ZNF445: variants seen among roughly 807,000 people sequenced by gnomAD.
ZNF445 encodes the protein zinc finger protein 168.
A neutral mutation model predicts 93.9 loss-of-function variants in ZNF445; 19 were observed. That is an observed-to-expected ratio of 0.20 (90% CI 0.14 to 0.30). ZNF445 has a LOEUF of 0.30. Among genes scored for constraint, ZNF445 ranks in the 10% least tolerant of loss-of-function variants. The pLI is 1.00. For missense variants in ZNF445, 1,058 were observed against 1,259.4 expected, an observed-to-expected ratio of 0.84 and a Z score of 2.42; for synonymous variants, 449 against 446.3, an observed-to-expected ratio of 1.01 and a Z score of -0.08.
At position 44,440,530 on chromosome 3, in the gene ZNF445, T is replaced by A. The variant is rs1314372097; in HGVS notation, c.*6045A>T. The A allele has an allele frequency of 6.6e-6, 1 of 152,216 alleles. No homozygotes were observed. Among genetic ancestry groups the A allele is most frequent in the Non-Finnish European group, 1.5e-5 (1 of 68,026 alleles). The allele number at this position is 152,216 out of a possible 1,614,324, so 9.4% of individuals were successfully genotyped here. On this transcript the variant is annotated 3_prime_UTR_variant, in exon 8 of 8. Coordinates refer to ENST00000396077, the MANE Select transcript of ZNF445 (RefSeq NM_181489.6). The stretch of plus-strand genomic sequence containing the variant: ...CCTCATTTTTAAAAAAACTGTGGCC[T>A]GGTATTTCATCATAGATGTACTAGA...
rs1411698668 is a variant in ZNF445, at chr3:44,448,144, T to C, written c.1527A>G (p.Gln509=). Residue 509 remains glutamine (Q), a synonymous_variant, in exon 8 of 8, where the codon CAA becomes CAG. Coordinates refer to ENST00000396077, the MANE Select transcript of ZNF445 (RefSeq NM_181489.6). ...HLAYHQRLHT[Q]EKAFKCRVCG... ...ACACCCTACATTTAAATGCTTTCTC[T>C]TGAGTGTGAAGTCTCTGATGATACG... is the stretch of plus-strand genomic sequence containing the variant. 4 of 1,614,050 alleles carry C rather than the reference T, an allele frequency of 2.5e-6. No homozygotes were observed. In the African/African-American group the frequency reaches 4.0e-5, roughly 16 times the overall value.
In ZNF445 at chr3:44,455,555, C is replaced by G; in HGVS notation, c.-6G>C. 1 of 1,585,118 alleles carries G rather than the reference C, an allele frequency of 6.3e-7. No individual in the cohort carries two copies. Among genetic ancestry groups the G allele is most frequent in the Non-Finnish European group, 8.6e-7 (1 of 1,166,630 alleles). On this transcript the variant is annotated 5_prime_UTR_variant, in exon 3 of 8. Coordinates refer to ENST00000396077, the MANE Select transcript of ZNF445 (RefSeq NM_181489.6). Reference sequence around the variant, plus strand: ...TGCCACCTGCCTGGAGGCATCACTCCTGTTCAGGGACTAACCAGAAGAGTG... The same window carrying G: ...TGCCACCTGCCTGGAGGCATCACTCGTGTTCAGGGACTAACCAGAAGAGTG...
chr3:44,454,372 A>C (rs1248606841), intron 3 of ZNF445, among the ~76,000 whole-genome samples: 1 of 152,094 alleles, frequency 6.6e-6, no homozygotes, highest in Admixed American at 6.5e-5. Context: ...TCTCAAGTCA[A>C]ATTAGATAAT....
In ZNF445 at chr3:44,433,780, C is replaced by G. The variant is rs1191036835; in HGVS notation, c.*12795G>C. 6.6e-6 allele frequency: 1 copy of G among 152,306 alleles called. No individual in the cohort carries two copies. Among genetic ancestry groups the G allele is most frequent in the Non-Finnish European group, 1.5e-5 (1 of 68,136 alleles). The allele number at this position is 152,306 out of a possible 1,614,324, so 9.4% of individuals were successfully genotyped here. On this transcript the variant is annotated 3_prime_UTR_variant, in exon 8 of 8. Coordinates refer to ENST00000396077, the MANE Select transcript of ZNF445 (RefSeq NM_181489.6). ...AGGCAGCCTGGGCAGCCCTGCGGGG[C>G]CCCACACTTAGAATGGCCTCCGCCT...
rs1266827615 is a variant in ZNF445 at position 44,442,710 on chromosome 3, A to C, written c.*3865T>G. The C allele has an allele frequency of 1.3e-5, 2 of 152,300 alleles. No individual in the cohort carries two copies. Among genetic ancestry groups the C allele is most frequent in the Admixed American group, 6.5e-5 (1 of 15,274 alleles). 9.4% of individuals were successfully genotyped at this position (152,300 alleles called of 1,614,324 possible). On this transcript the variant is annotated 3_prime_UTR_variant, in exon 8 of 8. Transcript: ENST00000396077. ...AAGGAAACTGAATGTTCTCCAGGCC[A>C]GGATGAGATGCAAGATGAGACCTGG...
In ZNF445 at chr3:44,450,890, C is replaced by T; in HGVS notation, c.671G>A (p.Arg224Lys). 6 of 1,592,212 alleles carry T rather than the reference C, an allele frequency of 3.8e-6. No homozygotes were observed. Among genetic ancestry groups the T allele is most frequent in the Non-Finnish European group, 5.1e-6 (6 of 1,170,192 alleles). Residue 224 changes from arginine to lysine, a missense_variant, in exon 5 of 8, where the codon AGG (arginine) becomes AAG (lysine). By Grantham distance (26) the Arg-to-Lys change is conservative (BLOSUM62 2). Coordinates refer to ENST00000396077, the MANE Select transcript of ZNF445 (RefSeq NM_181489.6). ...CACCTGGAGCTGGGCTGTCAGGGAC[C>T]TGGTTGGTGTTACCTGGTCTCCCGG... ...GCPGDQVTPT[R>K]SLTAQLQETM...
At position 44,439,651 on chromosome 3, in the gene ZNF445, A is replaced by G. The variant is rs1329213464; in HGVS notation, c.*6924T>C. The G allele has an allele frequency of 6.6e-6, 1 of 152,218 alleles. No homozygotes were observed. Among genetic ancestry groups the G allele is most frequent in the Non-Finnish European group, 1.5e-5 (1 of 68,076 alleles). 9.4% of individuals were successfully genotyped at this position (152,218 alleles called of 1,614,324 possible). ...TCTTCCAATCTCCCACCTTTCAACA[A>G]TTCTAGCCACGTCTCTTTGTTCCTG... On this transcript the variant is annotated 3_prime_UTR_variant, in exon 8 of 8. Transcript: ENST00000396077.
chr3:44,446,691 T>C lies in ZNF445; in HGVS notation c.2980A>G (p.Ile994Val), dbSNP rs776088452. Residue 994 changes from isoleucine (I) to valine (V), a missense_variant, in exon 8 of 8, where the codon ATT becomes GTT. Transcript: ENST00000396077. This position sits in a 1 kb window ranked among gnomAD's most constrained non-coding sequence, Gnocchi z 4.2. ...GKTFNKSSQL[I>V]SHKRFHTRER... ...CGAGTATGAAATCTCTTGTGGCTAA[T>C]GAGTTGTGAACTCTTGTTAAAAGTT... is the stretch of plus-strand genomic sequence containing the variant. 5 of 1,614,152 alleles carry C rather than the reference T, an allele frequency of 3.1e-6. No individual in the cohort carries two copies. Among genetic ancestry groups the C allele is most frequent in the Non-Finnish European group, 4.2e-6 (5 of 1,180,060 alleles).
chr3:44,474,264 TCGCACTCTGGGAGGCTGAGGTG>T (rs1485346651), intron 1 of ZNF445, among the ~76,000 whole-genome samples: 2 of 152,084 alleles, frequency 1.3e-5, no homozygotes, highest in East Asian at 3.9e-4. Flanking sequence ...CCTGTAATCC[TCGCACTCTGGGAGGCTGAGGTG>T]GGCAGATCAC....
chr3:44,463,011 TTGTGTGTGTGTGTGTG>T (rs61329186), intron 1 of ZNF445, among the ~76,000 whole-genome samples: 2 of 144,454 alleles, frequency 1.4e-5, no homozygotes, highest in Non-Finnish European at 3.0e-5. Context: ...ATTTTTTTCT[TTGTGTGTGTGTGTGTG>T]TGTGTGTGTG....
chr3:44,468,687 C>T (rs1245052047), intron 1 of ZNF445, among the ~76,000 whole-genome samples: 2 of 150,236 alleles, frequency 1.3e-5, no homozygotes, highest in South Asian at 2.2e-4. Flanking sequence ...CCCCTCCCCC[C>T]GAGGAGCTGA....
chr3:44,462,251 T>C (rs1228952612), intron 1 of ZNF445, among the ~76,000 whole-genome samples: 1 of 152,126 alleles, frequency 6.6e-6, no homozygotes, highest in Non-Finnish European at 1.5e-5. Context: ...GAAACCAATA[T>C]TGTATGAAAT....
At position 44,447,234 on chromosome 3, in the gene ZNF445, A is replaced by T. The variant is rs776670435; in HGVS notation, c.2437T>A (p.Ser813Thr). 1.1e-5 allele frequency: 17 copies of T among 1,613,994 alleles called. No homozygotes were observed. In the Middle Eastern group the frequency reaches 4.9e-4, roughly 47 times the overall value. ...TGGCAATCATACTGTTTTTGAAGAG[A>T]GTGAATCCTCTGATGTCGGTAGAGA... ...SNLYRHQRIH[S>T]LQKQYDCHES... Residue 813 changes from serine to threonine, a missense_variant, in exon 8 of 8, where the codon TCT (serine) becomes ACT (threonine). This residue lies in a region of ZNF445 where 387 missense variants were observed against 475.7 expected (regional missense o/e 0.81). Coordinates refer to ENST00000396077, the MANE Select transcript of ZNF445 (RefSeq NM_181489.6). This position sits in a 1 kb window ranked among gnomAD's most constrained non-coding sequence, Gnocchi z 4.7.
At chr3:44,455,793 G>C in intron 2 of ZNF445, 97 bp from the exon 3 acceptor site, 1 of 465,968 alleles carries the variant, frequency 2.1e-6, no homozygotes, top group Non-Finnish European at 3.8e-6. Flanking sequence ...AAGAGCGTTT[G>C]CACAAAGGTA....
At chr3:44,462,904 G>A (rs1435960226) in intron 1 of ZNF445, among the ~76,000 whole-genome samples, 1 of 151,774 alleles carries the variant, frequency 6.6e-6, no homozygotes, top group Non-Finnish European at 1.5e-5. Flanking sequence ...ATTAAAAGTG[G>A]ATAAACAAGC....
At position 44,447,072 on chromosome 3, in the gene ZNF445, G is replaced by A. The variant is rs1358132186; in HGVS notation, c.2599C>T (p.Arg867Cys). 3.7e-6 allele frequency: 6 copies of A among 1,614,066 alleles called. No homozygotes were observed. The highest frequency in any genetic ancestry group is 1.3e-5 in the African/African-American group (1 of 74,898). The change falls in exon 8 of 8, where the codon CGC (arginine) becomes TGC (cysteine). Residue 867 changes from arginine to cysteine, a missense_variant. By Grantham distance (180) the Arg-to-Cys change is radical. Around this residue, in one of 3 missense-constraint regions of ZNF445, gnomAD observed 387 missense variants for 475.7 expected, o/e 0.81. Transcript: ENST00000396077. The surrounding 1 kb of genome is among the most constrained non-coding windows in gnomAD (Gnocchi z 4.7). ...DHKGIHSGEK[R>C]YKCNLCGKSY... ...TTCCCACATAGATTACATTTATAGC[G>A]CTTCTCTCCACTGTGTATTCCCTTA...
intron 3 of ZNF445, 82 bp from the exon 4 acceptor site, chr3:44,451,564 T>C: frequency 4.0e-6 from 6 of 1,482,430 alleles, no homozygotes; most frequent in Non-Finnish European, 4.6e-6. Flanking sequence ...GACCAATCTC[T>C]GAAGGACAAA....
rs547484291 is a variant in ZNF445, at chr3:44,467,676, C to T, written c.-268-9312G>A. Among the ~76,000 whole-genome samples, 115 of 152,240 alleles carry T rather than the reference C, an allele frequency of 7.6e-4. 1 individual carries two copies. The highest frequency in any genetic ancestry group is 2.4e-3 in the African/African-American group (100 of 41,554). ...GTTCTATCAAAACCAACTTAAAAAG[C>T]CTAAGTGAAAAATAATTATTCTTGC... On this transcript the variant is annotated intron_variant, in intron 1 of 7. Coordinates refer to ENST00000396077, the MANE Select transcript of ZNF445 (RefSeq NM_181489.6).
rs1697839674 is a variant in ZNF445 at position 44,443,608 on chromosome 3, A to T, written c.*2967T>A. ...CGTCTCTACTAAAAATATAAAAAATAACCCAGGCGTGGTGGCAGGCACTTG... is the reference window on the plus strand; with the variant it reads ...CGTCTCTACTAAAAATATAAAAAATTACCCAGGCGTGGTGGCAGGCACTTG... On this transcript the variant is annotated 3_prime_UTR_variant, in exon 8 of 8. Transcript: ENST00000396077. 1 of 152,054 alleles carries T rather than the reference A, an allele frequency of 6.6e-6. No homozygotes were observed. Among genetic ancestry groups the T allele is most frequent in the East Asian group, 1.9e-4 (1 of 5,172 alleles). The allele number at this position is 152,054 out of a possible 1,614,324, so 9.4% of individuals were successfully genotyped here. A position where few individuals can be genotyped will look rare whatever the true frequency, so the allele number is the denominator to read the frequency against.
Sources: allele counts gnomAD v4.1 joint callset (sites outside exome capture counted in the v4.1 genomes callset), GRCh38; gene constraint gnomAD v4.1.1; regional missense constraint gnomAD v4.1.1; non-coding constraint Gnocchi (gnomAD v3.1); transcripts MANE v1.5; gene names NCBI Gene and HGNC (gene_info 2026-07-23, HGNC 2026-07-21).